The following TBC1D19 variants were observed in gnomAD, a reference collection of about 807,000 sequenced individuals.
TBC1D19 encodes TBC1 domain family member 19, also known as TBC1 domain family, member 19.
TBC1D19 carries 60 observed loss-of-function variants against 89.0 expected under a neutral mutation model. The ratio of observed to expected loss-of-function variants is 0.67; its 90% CI spans 0.55 to 0.84. TBC1D19 has a LOEUF of 0.84. Among genes scored for constraint, TBC1D19 ranks in the 40% least tolerant of loss-of-function variants. The probability of loss-of-function intolerance (pLI) is 0.00; values close to 1 mark genes in which losing one functional copy is unlikely to be tolerated. For missense variants in TBC1D19, 500 were observed against 610.8 expected, an observed-to-expected ratio of 0.82 and a Z score of 1.91; for synonymous variants, 189 against 199.7, an observed-to-expected ratio of 0.95 and a Z score of 0.45.
chr4:26,665,257 G>A (rs576330009), intron 8 of TBC1D19, among the ~76,000 whole-genome samples: 2 of 152,254 alleles, frequency 1.3e-5, no homozygotes, highest in South Asian at 4.2e-4. Flanking sequence ...AAAATGAAAT[G>A]TGTATATGTG....
chr4:26,828,433 T>A, the TBC1D19 span, among the ~76,000 whole-genome samples: 1 of 152,216 alleles, frequency 6.6e-6, no homozygotes, highest in Non-Finnish European at 1.5e-5. Flanking sequence ...GCTGGTAGTT[T>A]TGTGTTGAAA....
At chr4:26,697,083 A>G (rs1195317970) in intron 13 of TBC1D19, among the ~76,000 whole-genome samples, 1 of 152,156 alleles carries the variant, frequency 6.6e-6, no homozygotes, top group Non-Finnish European at 1.5e-5. Flanking sequence ...GTTTTTTGAA[A>G]AGATCAACAA....
At chr4:26,613,376 C>CTAAA in intron 2 of TBC1D19, 135 bp downstream of exon 2, 1 of 552,852 alleles carries the variant, frequency 1.8e-6, no homozygotes, top group Non-Finnish European at 3.1e-6. Flanking sequence ...AGGCTTTTAG[C>CTAAA]AGCCTGAAGC....
intron 16 of TBC1D19, among the ~76,000 whole-genome samples, chr4:26,737,902 C>T (rs1252755848): frequency 6.6e-6 from 1 of 151,988 alleles, no homozygotes; most frequent in Admixed American, 6.6e-5. Flanking sequence ...TTACTCAGAA[C>T]TCTTCTCTAA....
the TBC1D19 span, among the ~76,000 whole-genome samples, chr4:26,842,916 C>A: frequency 1.3e-5 from 2 of 152,060 alleles, no homozygotes; most frequent in African/African-American, 2.4e-5. Flanking sequence ...TTTCATTTTT[C>A]TCTGTTCTTT....
At chr4:26,729,095 C>T (rs573125636) in intron 15 of TBC1D19, among the ~76,000 whole-genome samples, 1 of 152,268 alleles carries the variant, frequency 6.6e-6, no homozygotes, top group South Asian at 2.1e-4. Flanking sequence ...CAATTTTTTT[C>T]GCATTTCCTC....
rs1026509055 is a variant in TBC1D19, at chr4:26,637,520, C to T, written c.369+235C>T. On this transcript the variant is annotated intron_variant, in intron 5 of 20. Coordinates refer to ENST00000264866, the MANE Select transcript of TBC1D19 (RefSeq NM_018317.4). Reference sequence around the variant, plus strand: ...CCAAGTAGCTGGGACTACAGGCACCCGCCACCAGGTCTGGCTAATTTTTTT... The same window carrying T: ...CCAAGTAGCTGGGACTACAGGCACCTGCCACCAGGTCTGGCTAATTTTTTT... Among the ~76,000 whole-genome samples the T allele has an allele frequency of 4.9e-4, 74 of 152,020 alleles. 1 individual carries two copies. Among genetic ancestry groups the T allele is most frequent in the African/African-American group, 1.6e-3 (66 of 41,374 alleles).
chr4:26,824,677 T>A, the TBC1D19 span, among the ~76,000 whole-genome samples: 1 of 152,068 alleles, frequency 6.6e-6, no homozygotes, highest in Non-Finnish European at 1.5e-5. Flanking sequence ...TTTTCTTTCT[T>A]TCTTTCTTTT....
At chr4:26,763,127 T>A in the TBC1D19 span, among the ~76,000 whole-genome samples, 1 of 152,228 alleles carries the variant, frequency 6.6e-6, no homozygotes, top group Admixed American at 6.5e-5. Context: ...TAGGTGATTC[T>A]GCCTGTCTTA....
intron 1 of TBC1D19, among the ~76,000 whole-genome samples, chr4:26,585,551 T>G (rs1208488016): frequency 1.3e-5 from 2 of 152,124 alleles, no homozygotes; most frequent in African/African-American, 4.8e-5. Context: ...CTTTATCAGA[T>G]GTGCGTCTTG....
At chr4:26,743,476 G>A (rs903771512) in intron 18 of TBC1D19, among the ~76,000 whole-genome samples, 1 of 151,914 alleles carries the variant, frequency 6.6e-6, no homozygotes, top group Non-Finnish European at 1.5e-5. Context: ...ATTTCTTTAC[G>A]TTAAGATAAT....
the TBC1D19 span, among the ~76,000 whole-genome samples, chr4:26,798,578 TA>T: frequency 2.0e-5 from 3 of 151,960 alleles, no homozygotes; most frequent in Non-Finnish European, 2.9e-5. Context: ...AAACACATTA[TA>T]AAAAAGTCAC....
At chr4:26,613,120 T>C (rs1418762967) in intron 1 of TBC1D19, 49 bp from the exon 2 acceptor site, 1 of 1,267,652 alleles carries the variant, frequency 7.9e-7, no homozygotes, top group African/African-American at 1.5e-5. Flanking sequence ...TTACTTTGGA[T>C]ATCTTTTCCT....
chr4:26,839,881 C>T, the TBC1D19 span, among the ~76,000 whole-genome samples: 11,686 of 152,138 alleles, frequency 0.077, 572 homozygotes, highest in East Asian at 0.18. Flanking sequence ...TTTGGTATTG[C>T]GTAGGGTGAG....
the TBC1D19 span, among the ~76,000 whole-genome samples, chr4:26,772,568 T>G: frequency 6.6e-6 from 1 of 152,112 alleles, no homozygotes; most frequent in Non-Finnish European, 1.5e-5. Flanking sequence ...TCCCATCACC[T>G]AGGTTTTAAG....
chr4:26,748,809 A>G (rs1279214421), intron 19 of TBC1D19, among the ~76,000 whole-genome samples: 1 of 151,936 alleles, frequency 6.6e-6, no homozygotes, highest in African/African-American at 2.4e-5. Flanking sequence ...GCTAGGTCTC[A>G]CTATCTCCCA....
chr4:26,739,037 G>A (rs913954082), intron 16 of TBC1D19, among the ~76,000 whole-genome samples: 5 of 152,148 alleles, frequency 3.3e-5, no homozygotes, highest in African/African-American at 9.7e-5. Flanking sequence ...AGGTAATGCA[G>A]TTGTATCTAT....
the TBC1D19 span, among the ~76,000 whole-genome samples, chr4:26,780,401 C>T: frequency 6.6e-6 from 1 of 152,214 alleles, no homozygotes; most frequent in African/African-American, 2.4e-5. Context: ...AATTTCCTTA[C>T]AGTTTCCAAC....
At chr4:26,792,784 C>T in the TBC1D19 span, among the ~76,000 whole-genome samples, 8 of 152,232 alleles carry the variant, frequency 5.3e-5, no homozygotes, top group Non-Finnish European at 1.2e-4. Context: ...ACTGCAAAGG[C>T]TATGCATACA....
Sources: gnomAD v4.1 joint callset for allele counts (sites outside exome capture counted in the v4.1 genomes callset) on GRCh38, gnomAD v4.1.1 for gene constraint, MANE v1.5 for transcripts, NCBI Gene and HGNC (gene_info 2026-07-23, HGNC 2026-07-21) for gene names.